Variants in THRB observed in about 807,000 individuals in gnomAD.
The protein encoded by THRB is nuclear receptor subfamily 1 group A member 2.
Under a neutral mutation model 47.8 loss-of-function variants are expected in THRB, and 12 were observed. The ratio of observed to expected loss-of-function variants is 0.25; its 90% confidence interval spans 0.16 to 0.41. The LOEUF (loss-of-function observed/expected upper bound fraction) is 0.41. Ranked by LOEUF, THRB falls within the 10% of genes least tolerant of loss-of-function variation. The probability of loss-of-function intolerance (pLI) is 1.00; values close to 1 mark genes in which losing one functional copy is unlikely to be tolerated. For missense variants in THRB, 348 were observed against 589.2 expected, an observed-to-expected ratio of 0.59 and a Z score of 4.24; for synonymous variants, 218 against 212.2, an observed-to-expected ratio of 1.03 and a Z score of -0.24.
At chr3:24,161,747 AT>A in intron 5 of THRB, among the ~76,000 whole-genome samples, 1 of 151,994 alleles carries the variant, frequency 6.6e-6, no homozygotes, top group East Asian at 1.9e-4. Context: ...ATTAATTTTT[AT>A]TCCTGCACAA....
chr3:24,159,808 G>C (rs2038498931), intron 5 of THRB, among the ~76,000 whole-genome samples: 1 of 151,786 alleles, frequency 6.6e-6, no homozygotes, highest in Admixed American at 6.6e-5. Flanking sequence ...GACCAGGAAT[G>C]ATGCTAAACG....
At chr3:24,472,179 T>G (rs988078099) in intron 1 of THRB, among the ~76,000 whole-genome samples, 1 of 152,218 alleles carries the variant, frequency 6.6e-6, no homozygotes, top group African/African-American at 2.4e-5. Context: ...ATATTTATAG[T>G]CCAGTCTGTC....
intron 1 of THRB, among the ~76,000 whole-genome samples, chr3:24,429,439 T>C (rs577749930): frequency 2.6e-5 from 4 of 152,084 alleles, no homozygotes; most frequent in South Asian, 2.1e-4. Flanking sequence ...GAATATGGCA[T>C]GAATGACAAA....
At chr3:24,392,612 A>C (rs2066657000) in intron 1 of THRB, among the ~76,000 whole-genome samples, 1 of 152,146 alleles carries the variant, frequency 6.6e-6, no homozygotes, top group African/African-American at 2.4e-5. Flanking sequence ...TCCCATGATA[A>C]AGCCAAGTCC....
intron 3 of THRB, among the ~76,000 whole-genome samples, chr3:24,236,108 A>G (rs1218405914): frequency 6.6e-6 from 1 of 152,136 alleles, no homozygotes; most frequent in Non-Finnish European, 1.5e-5. Flanking sequence ...CTTGGGGGTA[A>G]AAGTGGAGTT....
intron 3 of THRB, among the ~76,000 whole-genome samples, chr3:24,271,763 A>AT (rs957080789): frequency 6.6e-6 from 1 of 151,944 alleles, no homozygotes; most frequent in African/African-American, 2.4e-5. Flanking sequence ...TTACAATAGT[A>AT]TTTTTTTCCT....
intron 1 of THRB, among the ~76,000 whole-genome samples, chr3:24,354,523 A>C (rs983849333): frequency 2.0e-5 from 3 of 152,166 alleles, no homozygotes; most frequent in Admixed American, 6.6e-5. Flanking sequence ...AAACTTTTTC[A>C]ACATCTTAGA....
chr3:24,182,025 C>T (rs1219077597), intron 5 of THRB, among the ~76,000 whole-genome samples: 2 of 152,086 alleles, frequency 1.3e-5, no homozygotes, highest in African/African-American at 4.8e-5. Context: ...CACAGTGAAA[C>T]CCCATCTCTA....
chr3:24,271,602 T>G (rs908271076), intron 3 of THRB, among the ~76,000 whole-genome samples: 3 of 152,120 alleles, frequency 2.0e-5, no homozygotes, highest in Non-Finnish European at 4.4e-5. Flanking sequence ...TACACCCCCC[T>G]GGGCCCTCTT....
chr3:24,179,187 C>T (rs955307355), intron 5 of THRB, among the ~76,000 whole-genome samples: 4 of 152,192 alleles, frequency 2.6e-5, no homozygotes, highest in African/African-American at 7.2e-5. Flanking sequence ...CTCTGGTCCT[C>T]ACCTCAACTC....
At chr3:24,377,179 A>G (rs1358557841) in intron 1 of THRB, among the ~76,000 whole-genome samples, 1 of 152,070 alleles carries the variant, frequency 6.6e-6, no homozygotes, top group Admixed American at 6.6e-5. Flanking sequence ...TCCTGGGCTC[A>G]AGTGATCCTC....
chr3:24,160,549 A>G (rs746256273), intron 5 of THRB, among the ~76,000 whole-genome samples: 3 of 152,150 alleles, frequency 2.0e-5, no homozygotes, highest in Non-Finnish European at 2.9e-5. Context: ...AATTCTCTAC[A>G]ACAGCTGGTA....
chr3:24,389,650 A>G (rs1373091786), intron 1 of THRB, among the ~76,000 whole-genome samples: 1 of 152,200 alleles, frequency 6.6e-6, no homozygotes, highest in East Asian at 1.9e-4. Flanking sequence ...GGGTTTTTCC[A>G]AGGATCTTTC....
At chr3:24,222,909 G>A (rs1464073245) in intron 4 of THRB, among the ~76,000 whole-genome samples, 1 of 152,090 alleles carries the variant, frequency 6.6e-6, no homozygotes, top group Non-Finnish European at 1.5e-5. Flanking sequence ...TTTATTTTTG[G>A]TCACATCTGG....
intron 1 of THRB, among the ~76,000 whole-genome samples, chr3:24,418,539 A>G (rs891424682): frequency 7.2e-5 from 11 of 151,908 alleles, no homozygotes; most frequent in Non-Finnish European, 4.4e-5. Flanking sequence ...TTTAAAAAAT[A>G]TAATTTTTCT....
At chr3:24,200,220 AAT>A (rs1559578853) in intron 4 of THRB, among the ~76,000 whole-genome samples, 1 of 152,178 alleles carries the variant, frequency 6.6e-6, no homozygotes, top group Non-Finnish European at 1.5e-5. Flanking sequence ...TTCAGAGCAT[AAT>A]GTTTATTCTT....
At chr3:24,280,198 T>A (rs1025365004) in intron 3 of THRB, among the ~76,000 whole-genome samples, 11 of 152,112 alleles carry the variant, frequency 7.2e-5, no homozygotes, top group African/African-American at 2.7e-4. Context: ...CATCTGAAAT[T>A]TGAAGAGAGC....
At chr3:24,260,825 T>C (rs2051883623) in intron 3 of THRB, among the ~76,000 whole-genome samples, 1 of 152,218 alleles carries the variant, frequency 6.6e-6, no homozygotes, top group Non-Finnish European at 1.5e-5. Context: ...TTCCCTACAA[T>C]TCTTAGGACC....
At position 24,120,111 on chromosome 3, in the gene THRB, T is replaced by C. The variant is rs545209940; in HGVS notation, c.*2773A>G. On this transcript the variant is annotated 3_prime_UTR_variant, in exon 11 of 11. Transcript: ENST00000646209. ...GAGCAAATCCCTCACAAATGAGTTT[T>C]ATGAGATGGAGTCTTGAGATGCACT... 6.6e-6 allele frequency: 1 copy of C among 152,332 alleles called. No individual in the cohort carries two copies. Among genetic ancestry groups the C allele is most frequent in the East Asian group, 1.9e-4 (1 of 5,178 alleles). The allele number at this position is 152,332 out of a possible 1,614,324, so 9.4% of individuals were successfully genotyped here. A position where few individuals can be genotyped will look rare whatever the true frequency, so the allele number is the denominator to read the frequency against.
Sources: allele counts gnomAD v4.1 joint callset (sites outside exome capture counted in the v4.1 genomes callset), GRCh38; gene constraint gnomAD v4.1.1; transcripts MANE v1.5; gene names NCBI Gene and HGNC (gene_info 2026-07-23, HGNC 2026-07-21).